The following CACNA1I variants were observed in gnomAD, a reference collection of about 807,000 sequenced individuals.
CACNA1I encodes the protein voltage-dependent T-type calcium channel subunit alpha-1I.
In CACNA1I, 74 loss-of-function variants were observed where a neutral mutation model predicts 201.6. The observed-to-expected ratio is 0.37, with a 90% CI of 0.30 to 0.45. The LOEUF is 0.45. CACNA1I is among the 20% of genes least tolerant of loss of function. The probability of loss-of-function intolerance (pLI) is 1.00; values close to 1 mark genes in which losing one functional copy is unlikely to be tolerated. For missense variants in CACNA1I, 2,346 were observed against 3,138.1 expected, an observed-to-expected ratio of 0.75 and a Z score of 6.03; for synonymous variants, 1,431 against 1,345.2, an observed-to-expected ratio of 1.06 and a Z score of -1.40.
chr22:39,620,158 CCCACCCATCCATCCAT>C lies in CACNA1I; in HGVS notation c.580+755_580+770del, dbSNP rs1441960563. On this transcript the variant is annotated intron_variant, in intron 4 of 36. Transcript: ENST00000402142. ...ATCCATCCACCCACCCATCCATCCA[CCCACCCATCCATCCAT>C]CCATCCACTCATCCATCCATTCACC... 6.3e-5 allele frequency among the ~76,000 whole-genome samples: 7 copies of C among 111,650 alleles called. No homozygotes were observed. In the South Asian group the frequency reaches 2.0e-3, roughly 32 times the overall value. 73.2% of individuals were successfully genotyped at this position (111,650 alleles called of 152,430 possible). A position where few individuals can be genotyped will look rare whatever the true frequency, so the allele number is the denominator to read the frequency against.
chr22:39,600,692 C>A, intron 3 of CACNA1I, 39 bp downstream of exon 3: 1 of 1,547,186 alleles, frequency 6.5e-7, no homozygotes, highest in Non-Finnish European at 8.7e-7. Flanking sequence ...GCCTCTGGTG[C>A]ACACCAGGCA....
chr22:39,616,831 G>A (rs1489055344), intron 3 of CACNA1I, among the ~76,000 whole-genome samples: 1 of 151,880 alleles, frequency 6.6e-6, no homozygotes, highest in Non-Finnish European at 1.5e-5. Context: ...GGGCTGAGTT[G>A]TGCACGAGGG....
chr22:39,599,383 G>A (rs1352266868), intron 2 of CACNA1I, among the ~76,000 whole-genome samples: 93 of 143,776 alleles, frequency 6.5e-4, no homozygotes, highest in African/African-American at 2.3e-3. Context: ...ACTTTGGGAG[G>A]CCGAGGCGGG....
chr22:39,575,779 CA>C (rs1429078007), intron 1 of CACNA1I, among the ~76,000 whole-genome samples: 6 of 135,302 alleles, frequency 4.4e-5, no homozygotes, highest in African/African-American at 1.0e-4. Context: ...TCTTTTCTTT[CA>C]TTTTTTTTTT....
Position 39,670,790 on chromosome 22 carries a change from G to T in CACNA1I, c.4388-13G>T. On this transcript the variant is annotated splice_polypyrimidine_tract_variant and intron_variant, in intron 25 of 36. Transcript: ENST00000402142. Reference sequence around the variant, plus strand: ...CTCTGTGGTCTTTGCCACTCCCCCTGCACCACCTGCAGAGGCCCAGCGGCT... The same window carrying T: ...CTCTGTGGTCTTTGCCACTCCCCCTTCACCACCTGCAGAGGCCCAGCGGCT... The T allele has an allele frequency of 6.2e-7, 1 of 1,613,604 alleles. No homozygotes were observed. Among genetic ancestry groups the T allele is most frequent in the African/African-American group, 1.3e-5 (1 of 74,962 alleles).
intron 4 of CACNA1I, 64 bp downstream of exon 4, chr22:39,619,471 G>A: frequency 7.9e-7 from 1 of 1,263,712 alleles, no homozygotes; most frequent in Non-Finnish European, 1.1e-6. Context: ...CCCATCCCTG[G>A]CCTACCTAGC....
chr22:39,596,760 G>C (rs1262558402), intron 1 of CACNA1I, among the ~76,000 whole-genome samples: 1 of 152,002 alleles, frequency 6.6e-6, no homozygotes, highest in Admixed American at 6.5e-5. Context: ...GGAGGCTCCT[G>C]GTCATCCGGT....
rs549397410 is a variant in CACNA1I, at chr22:39,676,425, G to A, written c.4855-916G>A. On this transcript the variant is annotated intron_variant, in intron 29 of 36. Coordinates refer to ENST00000402142, the MANE Select transcript of CACNA1I (RefSeq NM_021096.4). The surrounding 1 kb of genome is among the most constrained non-coding windows in gnomAD (Gnocchi z 4.8). The stretch of plus-strand genomic sequence containing the variant: ...GATTAATGGGGTTTACTTTTCAGCA[G>A]TTAACGTGAACGTTTTCTGAGGGTT... 2.0e-5 allele frequency among the ~76,000 whole-genome samples: 3 copies of A among 152,242 alleles called. No individual in the cohort carries two copies. The highest frequency in any genetic ancestry group is 4.4e-5 in the Non-Finnish European group (3 of 68,042).
At position 39,685,601 on chromosome 22, in the gene CACNA1I, A is replaced by G. The variant is rs1935837150; in HGVS notation, c.6028-160A>G. Among the ~76,000 whole-genome samples the G allele has an allele frequency of 6.6e-6, 1 of 151,868 alleles. No individual in the cohort carries two copies. The highest frequency in any genetic ancestry group is 1.5e-5 in the Non-Finnish European group (1 of 67,928). On this transcript the variant is annotated intron_variant, in intron 36 of 36. Coordinates refer to ENST00000402142, the MANE Select transcript of CACNA1I (RefSeq NM_021096.4). This position sits in a 1 kb window ranked among gnomAD's most constrained non-coding sequence, Gnocchi z 5.0. The stretch of plus-strand genomic sequence containing the variant: ...CGGGGCAGGTGAAGGCCCTGCGGTG[A>G]CGCCGCCTAAGCTGGACGTGCGGAG...
At chr22:39,647,280 C>A (rs549715976) in intron 8 of CACNA1I, among the ~76,000 whole-genome samples, 1 of 152,356 alleles carries the variant, frequency 6.6e-6, no homozygotes, top group South Asian at 2.1e-4. Context: ...GCTGCTGTCC[C>A]CTGCTTTCCA....
At chr22:39,603,769 G>A (rs1234813016) in intron 3 of CACNA1I, among the ~76,000 whole-genome samples, 1 of 152,202 alleles carries the variant, frequency 6.6e-6, no homozygotes, top group African/African-American at 2.4e-5. Flanking sequence ...TCAGCAGATG[G>A]TAATCAGCAG....
At position 39,684,038 on chromosome 22, in the gene CACNA1I, G is replaced by A. The variant is rs546822525; in HGVS notation, c.5831-264G>A. Reference sequence around the variant, plus strand: ...GAGGAAGAGAGCTAGGCTTGAGCCCGCGTCTGCTTGCCTCCAAAAGCTGTG... The same window carrying A: ...GAGGAAGAGAGCTAGGCTTGAGCCCACGTCTGCTTGCCTCCAAAAGCTGTG... On this transcript the variant is annotated intron_variant, in intron 35 of 36. Coordinates refer to ENST00000402142, the MANE Select transcript of CACNA1I (RefSeq NM_021096.4). This position sits in a 1 kb window ranked among gnomAD's most constrained non-coding sequence, Gnocchi z 4.6. Among the ~76,000 whole-genome samples, 2 of 152,204 alleles carry A rather than the reference G, an allele frequency of 1.3e-5. No homozygotes were observed. The highest frequency in any genetic ancestry group is 3.9e-4 in the East Asian group (2 of 5,176).
chr22:39,662,790 C>A lies in CACNA1I; in HGVS notation c.3387C>A (p.Arg1129=). The A allele has an allele frequency of 1.3e-6, 2 of 1,590,414 alleles. No individual in the cohort carries two copies. The highest frequency in any genetic ancestry group is 1.7e-6 in the Non-Finnish European group (2 of 1,168,796). ...CCTCTTGCTAGACCCTGTGCTTCCG[C>A]GTCCGCAAGATGATCGACGTCTATA... ...EEEIDYTLCF[R]VRKMIDVYKP... The change falls in exon 18 of 37, where the codon CGC becomes CGA. Residue 1129 remains arginine (R), a synonymous_variant. Coordinates refer to ENST00000402142, the MANE Select transcript of CACNA1I (RefSeq NM_021096.4).
intron 7 of CACNA1I, among the ~76,000 whole-genome samples, chr22:39,644,661 T>C (rs1934432973): frequency 6.6e-6 from 1 of 151,958 alleles, no homozygotes; most frequent in Non-Finnish European, 1.5e-5. Flanking sequence ...CAGGCCCTAG[T>C]GCTCCTTCTT....
chr22:39,656,561 GC>G, intron 10 of CACNA1I: 1 of 515,006 alleles, frequency 1.9e-6, no homozygotes, highest in East Asian at 5.5e-5. Flanking sequence ...CAGGGACGGT[GC>G]CCTGACTCCC....
intron 3 of CACNA1I, among the ~76,000 whole-genome samples, chr22:39,608,988 G>T (rs916202399): frequency 6.6e-6 from 1 of 152,218 alleles, no homozygotes. Flanking sequence ...GATCAGGCAG[G>T]TATGTCCCTG....
intron 3 of CACNA1I, among the ~76,000 whole-genome samples, chr22:39,609,092 G>C (rs1268295516): frequency 7.6e-6 from 1 of 132,292 alleles, no homozygotes; most frequent in African/African-American, 2.8e-5. Flanking sequence ...ATGCCTCCAG[G>C]AGTGTGATAA....
At chr22:39,596,869 G>T (rs2052574968) in intron 1 of CACNA1I, among the ~76,000 whole-genome samples, 1 of 152,068 alleles carries the variant, frequency 6.6e-6, no homozygotes, top group Non-Finnish European at 1.5e-5. Flanking sequence ...TGGCTTCGTG[G>T]TCTTGTTTGC....
chr22:39,637,110 T>G (rs2146415361), intron 5 of CACNA1I, among the ~76,000 whole-genome samples: 1 of 152,316 alleles, frequency 6.6e-6, no homozygotes, highest in South Asian at 2.1e-4. Flanking sequence ...GGCCAGGGCC[T>G]ATGCTGGGCC....
Sources: gnomAD v4.1 joint callset for allele counts (sites outside exome capture counted in the v4.1 genomes callset) on GRCh38, gnomAD v4.1.1 for gene constraint, Gnocchi (gnomAD v3.1) non-coding constraint, MANE v1.5 for transcripts, NCBI Gene and HGNC (gene_info 2026-07-23, HGNC 2026-07-21) for gene names.